The following ADGRB3 variants were observed in gnomAD, a reference collection of about 807,000 sequenced individuals.
The protein encoded by ADGRB3 is adhesion G protein-coupled receptor B3.
A neutral mutation model predicts 193.4 loss-of-function variants in ADGRB3; 37 were observed. The ratio of observed to expected loss-of-function variants is 0.19; its 90% CI spans 0.15 to 0.25. The LOEUF (loss-of-function observed/expected upper bound fraction) is 0.25, where lower values mean the gene tolerates loss of function less well. Among genes scored for constraint, ADGRB3 ranks in the 10% least tolerant of loss-of-function variants. The pLI, the probability that ADGRB3 is intolerant of heterozygous loss-of-function variation, is 1.00. For missense variants in ADGRB3, 1,637 were observed against 1,852.9 expected, an observed-to-expected ratio of 0.88 and a Z score of 2.14; for synonymous variants, 690 against 644.2, an observed-to-expected ratio of 1.07 and a Z score of -1.08.
At chr6:69,143,788 C>T (rs1297922657) in intron 17 of ADGRB3, among the ~76,000 whole-genome samples, 6 of 151,866 alleles carry the variant, frequency 4.0e-5, no homozygotes, top group Non-Finnish European at 7.4e-5. Flanking sequence ...ACTATAGCTC[C>T]GTAGTATAAT....
intron 3 of ADGRB3, among the ~76,000 whole-genome samples, chr6:68,867,140 G>A (rs1765318540): frequency 6.6e-6 from 1 of 152,224 alleles, no homozygotes; most frequent in South Asian, 2.1e-4. Context: ...CTTCATGGCA[G>A]CTCTTCCCAT....
At chr6:69,355,676 AT>A in intron 27 of ADGRB3, 144 bp from the exon 28 acceptor site, 1 of 673,076 alleles carries the variant, frequency 1.5e-6, no homozygotes, top group Non-Finnish European at 2.6e-6. Flanking sequence ...CAATCTAATT[AT>A]ACATAGAGAA....
intron 3 of ADGRB3, among the ~76,000 whole-genome samples, chr6:68,664,727 C>T (rs372123647): frequency 1.3e-5 from 2 of 151,796 alleles, no homozygotes; most frequent in African/African-American, 4.8e-5. Context: ...GTTAAGCGTG[C>T]CCAGGGATTC....
chr6:69,149,830 C>T (rs908438216), intron 17 of ADGRB3, among the ~76,000 whole-genome samples: 2 of 152,044 alleles, frequency 1.3e-5, no homozygotes, highest in East Asian at 1.9e-4. Flanking sequence ...CGCGTAGCAT[C>T]GGAGAGAATT....
At chr6:68,747,910 G>T (rs1192918687) in intron 3 of ADGRB3, among the ~76,000 whole-genome samples, 1 of 152,308 alleles carries the variant, frequency 6.6e-6, no homozygotes, top group African/African-American at 2.4e-5. Context: ...GCTTGGGGGG[G>T]CCTCAGAATC....
At chr6:69,276,847 T>C (rs1561974375) in intron 20 of ADGRB3, among the ~76,000 whole-genome samples, 1 of 152,038 alleles carries the variant, frequency 6.6e-6, no homozygotes, top group East Asian at 1.9e-4. Flanking sequence ...ATGGTGTAGA[T>C]TGTGGTGATG....
chr6:68,704,970 T>C (rs923175191), intron 3 of ADGRB3, among the ~76,000 whole-genome samples: 1 of 152,206 alleles, frequency 6.6e-6, no homozygotes, highest in Non-Finnish European at 1.5e-5. Context: ...TGGGAAAATA[T>C]TTTTTAAATT....
chr6:69,122,664 A>G (rs1773744843), intron 17 of ADGRB3, among the ~76,000 whole-genome samples: 1 of 152,068 alleles, frequency 6.6e-6, no homozygotes, highest in Non-Finnish European at 1.5e-5. Context: ...TCATTTCTCC[A>G]GGAAAACTGA....
intron 17 of ADGRB3, among the ~76,000 whole-genome samples, chr6:69,228,650 C>G (rs1766070732): frequency 6.6e-6 from 1 of 152,144 alleles, no homozygotes; most frequent in African/African-American, 2.4e-5. Context: ...TAAATCTTAT[C>G]CAAGTGAATG....
intron 31 of ADGRB3, among the ~76,000 whole-genome samples, chr6:69,383,815 A>G (rs1770004077): frequency 6.6e-6 from 1 of 152,034 alleles, no homozygotes; most frequent in Admixed American, 6.6e-5. Context: ...TGGGACTGCC[A>G]TCTGACACCA....
chr6:68,727,581 C>G (rs962169603), intron 3 of ADGRB3, among the ~76,000 whole-genome samples: 3 of 151,416 alleles, frequency 2.0e-5, no homozygotes, highest in Admixed American at 1.3e-4. Flanking sequence ...ATTTAACCTC[C>G]TATTTTTCCT....
intron 3 of ADGRB3, among the ~76,000 whole-genome samples, chr6:68,787,539 T>C (rs1225842798): frequency 1.3e-5 from 2 of 152,218 alleles, no homozygotes; most frequent in African/African-American, 4.8e-5. Flanking sequence ...TTTGATGTGC[T>C]GCCGGATTCG....
At chr6:68,641,470 A>G (rs538767547) in intron 3 of ADGRB3, among the ~76,000 whole-genome samples, 5 of 152,340 alleles carry the variant, frequency 3.3e-5, no homozygotes, top group Admixed American at 6.5e-5. Flanking sequence ...GCAAAATGAA[A>G]AAGAAATACC....
intron 11 of ADGRB3, among the ~76,000 whole-genome samples, chr6:68,994,483 A>G (rs1270256067): frequency 2.6e-5 from 4 of 152,226 alleles, no homozygotes; most frequent in East Asian, 1.9e-4. Context: ...ACGAAATTCA[A>G]TAACTTCTCA....
chr6:68,934,470 A>C (rs1767431197), intron 4 of ADGRB3, among the ~76,000 whole-genome samples: 1 of 152,196 alleles, frequency 6.6e-6, no homozygotes, highest in South Asian at 2.1e-4. Flanking sequence ...TGTCATTATG[A>C]CAGTGCAAGA....
At chr6:68,640,455 T>C (rs1768061341) in intron 3 of ADGRB3, among the ~76,000 whole-genome samples, 1 of 152,232 alleles carries the variant, frequency 6.6e-6, no homozygotes, top group African/African-American at 2.4e-5. Flanking sequence ...GGAAGGTTAA[T>C]GGATGTTGTG....
chr6:69,253,637 T>C (rs1766677426), intron 20 of ADGRB3, among the ~76,000 whole-genome samples: 1 of 152,108 alleles, frequency 6.6e-6, no homozygotes, highest in African/African-American at 2.4e-5. Flanking sequence ...AACTATGCAC[T>C]GCTCTAGGGC....
chr6:68,965,876 C>A (rs1341484741), intron 8 of ADGRB3, among the ~76,000 whole-genome samples: 1 of 152,092 alleles, frequency 6.6e-6, no homozygotes, highest in Admixed American at 6.6e-5. Flanking sequence ...AGTTTATTTT[C>A]TAATTTACAA....
intron 17 of ADGRB3, among the ~76,000 whole-genome samples, chr6:69,151,695 C>T (rs990404262): frequency 5.3e-5 from 8 of 152,128 alleles, no homozygotes; most frequent in African/African-American, 1.9e-4. Flanking sequence ...GATTAGCAGT[C>T]CTGTCCGTAT....
Sources: allele counts gnomAD v4.1 joint callset (sites outside exome capture counted in the v4.1 genomes callset), GRCh38; gene constraint gnomAD v4.1.1; transcripts MANE v1.5; gene names NCBI Gene and HGNC (gene_info 2026-07-23, HGNC 2026-07-21).